Variants in UTRN observed in about 807,000 individuals in gnomAD.
UTRN encodes dystrophin-related protein 1.
In UTRN, 283 loss-of-function variants were observed where a neutral mutation model predicts 463.9. That is an observed-to-expected ratio of 0.61 (90% CI 0.55 to 0.67). The LOEUF (loss-of-function observed/expected upper bound fraction) is 0.67. Ranked by LOEUF, UTRN falls within the 30% of genes least tolerant of loss-of-function variation. The pLI, the probability that UTRN is intolerant of heterozygous loss-of-function variation, is 0.00. For synonymous variants in UTRN, 1,442 were observed against 1,431.5 expected, an observed-to-expected ratio of 1.01 and a Z score of -0.17; for missense variants, 3,922 against 4,084.3, an observed-to-expected ratio of 0.96 and a Z score of 1.08.
chr6:144,359,198 A>G (rs1027883904), intron 2 of UTRN, among the ~76,000 whole-genome samples: 1 of 152,208 alleles, frequency 6.6e-6, no homozygotes, highest in African/African-American at 2.4e-5. Flanking sequence ...AGACAGTTCC[A>G]TTTTGCTGTG....
chr6:144,427,952 CAAG>C (rs1308733794), intron 7 of UTRN, among the ~76,000 whole-genome samples: 1 of 151,986 alleles, frequency 6.6e-6, no homozygotes, highest in African/African-American at 2.4e-5. Flanking sequence ...ATACATCAGA[CAAG>C]AGCAGAGGAG....
chr6:144,829,746 AATACTT>A (rs1240836653), intron 69 of UTRN, among the ~76,000 whole-genome samples: 1 of 151,898 alleles, frequency 6.6e-6, no homozygotes, highest in Non-Finnish European at 1.5e-5. Context: ...GCTAGGTTAA[AATACTT>A]AAAGTGCTCA....
intron 50 of UTRN, 120 bp downstream of exon 50, chr6:144,557,431 A>G: frequency 9.9e-7 from 1 of 1,009,744 alleles, no homozygotes; most frequent in Non-Finnish European, 1.4e-6. Flanking sequence ...ATTATTATGT[A>G]TTTTTATACT....
chr6:144,385,777 C>T lies in UTRN; in HGVS notation c.80-17346C>T, dbSNP rs553448136. 6.0e-5 allele frequency among the ~76,000 whole-genome samples: 9 copies of T among 151,206 alleles called. No homozygotes were observed. In the South Asian group the frequency reaches 8.4e-4, roughly 14 times the overall value. Reference sequence around the variant, plus strand: ...AGGCTTGAGTGCAGAGGTGCGATCTCGGCTCAGTGCAACCTCCGCCTCTTA... The same window carrying T: ...AGGCTTGAGTGCAGAGGTGCGATCTTGGCTCAGTGCAACCTCCGCCTCTTA... On this transcript the variant is annotated intron_variant, in intron 2 of 74. Coordinates refer to ENST00000367545, the MANE Select transcript of UTRN (RefSeq NM_007124.3).
intron 51 of UTRN, among the ~76,000 whole-genome samples, chr6:144,662,427 C>G (rs760349417): frequency 2.0e-4 from 30 of 152,206 alleles, no homozygotes; most frequent in Non-Finnish European, 2.8e-4. Context: ...CCTTCAGAAG[C>G]TGAGTAACAG....
At chr6:144,605,916 C>T (rs1804797447) in intron 51 of UTRN, among the ~76,000 whole-genome samples, 1 of 151,950 alleles carries the variant, frequency 6.6e-6, no homozygotes, top group Admixed American at 6.6e-5. Flanking sequence ...TTTTGAGTTA[C>T]TAAAAATAAT....
At chr6:144,349,932 A>G (rs1777965242) in intron 2 of UTRN, among the ~76,000 whole-genome samples, 1 of 152,188 alleles carries the variant, frequency 6.6e-6, no homozygotes, top group Admixed American at 6.5e-5. Flanking sequence ...TGAACAGTTC[A>G]ATGAACTGGC....
At chr6:144,598,984 T>C (rs1290882996) in intron 51 of UTRN, among the ~76,000 whole-genome samples, 2 of 152,214 alleles carry the variant, frequency 1.3e-5, no homozygotes, top group Admixed American at 1.3e-4. Context: ...AATTTTAAAA[T>C]GTATTTATTT....
intron 51 of UTRN, among the ~76,000 whole-genome samples, chr6:144,618,588 G>C (rs1016195443): frequency 5.9e-5 from 9 of 152,018 alleles, no homozygotes; most frequent in African/African-American, 2.2e-4. Flanking sequence ...GTAGTCAGTA[G>C]TTAACCAAGA....
At chr6:144,329,478 G>C (rs956768245) in intron 2 of UTRN, among the ~76,000 whole-genome samples, 2 of 152,136 alleles carry the variant, frequency 1.3e-5, no homozygotes, top group African/African-American at 4.8e-5. Flanking sequence ...AGTATTTGCT[G>C]TTTCATTAGT....
intron 54 of UTRN, among the ~76,000 whole-genome samples, chr6:144,732,961 CA>C (rs1788922435): frequency 6.6e-6 from 1 of 152,092 alleles, no homozygotes; most frequent in African/African-American, 2.4e-5. Flanking sequence ...TTTTGGTCTC[CA>C]AAAGTGCTGA....
intron 2 of UTRN, among the ~76,000 whole-genome samples, chr6:144,374,224 A>C (rs917716409): frequency 6.6e-6 from 1 of 152,164 alleles, no homozygotes; most frequent in African/African-American, 2.4e-5. Flanking sequence ...GAATAAGGTA[A>C]ATATTTTACA....
intron 33 of UTRN, among the ~76,000 whole-genome samples, chr6:144,497,525 A>AAAG (rs1481197351): frequency 6.6e-6 from 1 of 151,660 alleles, no homozygotes; most frequent in Non-Finnish European, 1.5e-5. Flanking sequence ...AAAAAAAAAA[A>AAAG]AAAAAATTAG....
chr6:144,367,828 C>T (rs1167924177), intron 2 of UTRN, among the ~76,000 whole-genome samples: 1 of 152,150 alleles, frequency 6.6e-6, no homozygotes, highest in African/African-American at 2.4e-5. Context: ...TTTGCCCAGG[C>T]TGGAGTGCAG....
chr6:144,785,017 A>C (rs111564013), intron 61 of UTRN, among the ~76,000 whole-genome samples: 3,430 of 152,350 alleles, frequency 0.023, 134 homozygotes, highest in African/African-American at 0.079. Context: ...TCAGACGGCC[A>C]GAGCTGGTTG....
In UTRN at chr6:144,522,014, T is replaced by G; in HGVS notation, c.5576T>G (p.Leu1859Arg). 7 of 1,579,408 alleles carry G rather than the reference T, an allele frequency of 4.4e-6. No homozygotes were observed. In the South Asian group the frequency reaches 4.7e-5, roughly 11 times the overall value. Residue 1859 changes from leucine (L) to arginine (R), a missense_variant, in exon 40 of 75, where the codon CTT becomes CGT. By Grantham distance (102) the Leu-to-Arg change is moderately radical. Around this residue, in one of 3 missense-constraint regions of UTRN, gnomAD observed 2,349 missense variants for 2,303.8 expected, o/e 1.02. Coordinates refer to ENST00000367545, the MANE Select transcript of UTRN (RefSeq NM_007124.3). ...IPIQQRKMGQLASGIRSSLLP... is the reference protein window; with the variant it reads ...IPIQQRKMGQRASGIRSSLLP... ...ATTCAACAGAGGAAAATGGGTCAACTTGCTTCTGGAATTAGATCATCACTT... is the reference window on the plus strand; with the variant it reads ...ATTCAACAGAGGAAAATGGGTCAACGTGCTTCTGGAATTAGATCATCACTT...
intron 34 of UTRN, among the ~76,000 whole-genome samples, chr6:144,502,630 T>C (rs1225719651): frequency 6.6e-6 from 1 of 152,238 alleles, no homozygotes; most frequent in Non-Finnish European, 1.5e-5. Flanking sequence ...GGTATATATG[T>C]GCCACATTTT....
chr6:144,461,458 G>A lies in UTRN; in HGVS notation c.2853+116G>A, dbSNP rs1789399859. ...AAGTTGGTCAGTTTTGTTCATCATT[G>A]GTGCAAAAATGTGTTTATGATTTGA... On this transcript the variant is annotated intron_variant, in intron 22 of 74. Transcript: ENST00000367545. 3.4e-6 allele frequency: 4 copies of A among 1,171,952 alleles called. No individual in the cohort carries two copies. In the East Asian group the frequency reaches 8.3e-5, roughly 24 times the overall value. The allele number at this position is 1,171,952 out of a possible 1,614,324, so 72.6% of individuals were successfully genotyped here.
At chr6:144,553,573 T>C (rs1799114850) in intron 48 of UTRN, among the ~76,000 whole-genome samples, 1 of 152,182 alleles carries the variant, frequency 6.6e-6, no homozygotes, top group Non-Finnish European at 1.5e-5. Context: ...TATTGTTTAT[T>C]AGTACCTCAG....
Sources: allele counts gnomAD v4.1 joint callset (sites outside exome capture counted in the v4.1 genomes callset), GRCh38; gene constraint gnomAD v4.1.1; regional missense constraint gnomAD v4.1.1; transcripts MANE v1.5; gene names NCBI Gene and HGNC (gene_info 2026-07-23, HGNC 2026-07-21).